LRMDA: variants seen among roughly 807,000 people sequenced by gnomAD.
LRMDA encodes the protein leucine-rich melanocyte differentiation-associated protein.
LRMDA carries 18 observed loss-of-function variants against 29.8 expected under a neutral mutation model. The observed-to-expected ratio is 0.60, with a 90% CI of 0.42 to 0.90. LRMDA has a LOEUF of 0.90. Ranked by LOEUF, LRMDA falls within the 40% of genes least tolerant of loss-of-function variation. The pLI, the probability that LRMDA is intolerant of heterozygous loss-of-function variation, is 0.00. For missense variants in LRMDA, 273 were observed against 273.9 expected, an observed-to-expected ratio of 1.00 and a Z score of 0.02; for synonymous variants, 125 against 109.4, an observed-to-expected ratio of 1.14 and a Z score of -0.89.
chr10:76,477,990 G>T (rs1399464229), intron 6 of LRMDA, among the ~76,000 whole-genome samples: 1 of 152,078 alleles, frequency 6.6e-6, no homozygotes, highest in African/African-American at 2.4e-5. Flanking sequence ...ACATAGGCAC[G>T]GGCAAGGACT....
intron 2 of LRMDA, among the ~76,000 whole-genome samples, chr10:75,619,032 C>T (rs564540488): frequency 7.9e-5 from 12 of 152,138 alleles, no homozygotes; most frequent in African/African-American, 2.7e-4. Context: ...CTCCTGACCT[C>T]GTGATCTGCC....
At chr10:75,468,590 C>T (rs1246291266) in intron 2 of LRMDA, among the ~76,000 whole-genome samples, 1 of 152,084 alleles carries the variant, frequency 6.6e-6, no homozygotes, top group Non-Finnish European at 1.5e-5. Flanking sequence ...AGGTTCTGCA[C>T]CTGAAGTGAT....
chr10:76,207,194 G>T (rs1851552883), intron 5 of LRMDA, among the ~76,000 whole-genome samples: 1 of 152,124 alleles, frequency 6.6e-6, no homozygotes, highest in Non-Finnish European at 1.5e-5. Flanking sequence ...GTACATAATT[G>T]ATCAAAACAC....
At chr10:76,171,553 C>T (rs1445576697) in intron 5 of LRMDA, among the ~76,000 whole-genome samples, 1 of 152,176 alleles carries the variant, frequency 6.6e-6, no homozygotes, top group African/African-American at 2.4e-5. Context: ...TGGCAAGCCC[C>T]TCCACTACCC....
At chr10:75,963,915 G>A (rs189125396) in intron 2 of LRMDA, among the ~76,000 whole-genome samples, 1 of 152,166 alleles carries the variant, frequency 6.6e-6, no homozygotes, top group Non-Finnish European at 1.5e-5. Flanking sequence ...GTGCTTAATG[G>A]TGGCAGGCTT....
intron 5 of LRMDA, among the ~76,000 whole-genome samples, chr10:76,264,432 A>C (rs1213549384): frequency 7.2e-6 from 1 of 138,270 alleles, no homozygotes; most frequent in Non-Finnish European, 1.6e-5. Flanking sequence ...AAAAAAAAAA[A>C]AAAAAAAAAA....
At chr10:76,543,316 CTGTGTGTGTGTG>C (rs71028203) in intron 6 of LRMDA, among the ~76,000 whole-genome samples, 67 of 144,224 alleles carry the variant, frequency 4.6e-4, no homozygotes, top group South Asian at 1.7e-3. Context: ...TGGGGTGTGC[CTGTGTGTGTGTG>C]TGTGTGTGTG....
At chr10:76,478,668 C>G (rs972843026) in intron 6 of LRMDA, among the ~76,000 whole-genome samples, 13 of 151,976 alleles carry the variant, frequency 8.6e-5, no homozygotes, top group African/African-American at 3.1e-4. Context: ...CAATGATAGA[C>G]TGGATTAAGA....
At chr10:76,146,263 G>A (rs1261679964) in intron 5 of LRMDA, among the ~76,000 whole-genome samples, 4 of 151,862 alleles carry the variant, frequency 2.6e-5, no homozygotes, top group African/African-American at 4.8e-5. Context: ...TTTCTGTCTC[G>A]TTGATCTGTC....
chr10:75,958,800 C>T (rs534666822), intron 2 of LRMDA, among the ~76,000 whole-genome samples: 7 of 152,268 alleles, frequency 4.6e-5, no homozygotes, highest in African/African-American at 1.7e-4. Flanking sequence ...GTTTAATGGA[C>T]TCACAGTTCC....
chr10:75,500,032 A>G (rs1030620401), intron 2 of LRMDA, among the ~76,000 whole-genome samples: 3 of 152,134 alleles, frequency 2.0e-5, no homozygotes, highest in Admixed American at 6.5e-5. Flanking sequence ...AGTGTTTTCT[A>G]CACTTTTTTT....
At chr10:76,369,957 G>A (rs1454620439) in intron 6 of LRMDA, among the ~76,000 whole-genome samples, 1 of 152,090 alleles carries the variant, frequency 6.6e-6, no homozygotes, top group African/African-American at 2.4e-5. Flanking sequence ...TGGAAATGTA[G>A]ACAAATAACA....
At chr10:76,111,000 A>G (rs1172246089) in intron 5 of LRMDA, among the ~76,000 whole-genome samples, 3 of 151,782 alleles carry the variant, frequency 2.0e-5, no homozygotes, top group Non-Finnish European at 4.4e-5. Context: ...CTGAAGTGTC[A>G]TTCTCCATCC....
At chr10:76,238,442 C>A (rs1852201714) in intron 5 of LRMDA, among the ~76,000 whole-genome samples, 1 of 152,154 alleles carries the variant, frequency 6.6e-6, no homozygotes, top group South Asian at 2.1e-4. Context: ...TCCCCAGACT[C>A]TGTTGCCCTT....
intron 6 of LRMDA, among the ~76,000 whole-genome samples, chr10:76,374,953 T>G (rs1220292178): frequency 1.3e-5 from 2 of 152,192 alleles, no homozygotes; most frequent in Non-Finnish European, 2.9e-5. Flanking sequence ...AAACAAAAGA[T>G]TACTGATAAC....
chr10:75,902,971 CA>C (rs1845700366), intron 2 of LRMDA, among the ~76,000 whole-genome samples: 1 of 152,136 alleles, frequency 6.6e-6, no homozygotes, highest in Admixed American at 6.5e-5. Flanking sequence ...GAGAGTCTGG[CA>C]GGGGGCATCA....
chr10:75,742,395 C>A (rs1215181925), intron 2 of LRMDA, among the ~76,000 whole-genome samples: 2 of 152,260 alleles, frequency 1.3e-5, no homozygotes, highest in East Asian at 1.9e-4. Flanking sequence ...AGGGGCAAGG[C>A]CACCCAGGTG....
chr10:76,386,279 G>T (rs116122565), intron 6 of LRMDA, among the ~76,000 whole-genome samples: 42 of 152,284 alleles, frequency 2.8e-4, no homozygotes, highest in Admixed American at 2.4e-3. Flanking sequence ...TTTATTAAAT[G>T]CATAAATGAA....
intron 5 of LRMDA, among the ~76,000 whole-genome samples, chr10:76,289,387 C>T (rs770892936): frequency 6.6e-6 from 1 of 152,114 alleles, no homozygotes; most frequent in Non-Finnish European, 1.5e-5. Flanking sequence ...GTGAGGTCGC[C>T]TTCTTTTATG....
Sources: gnomAD v4.1 joint callset for allele counts (sites outside exome capture counted in the v4.1 genomes callset) on GRCh38, gnomAD v4.1.1 for gene constraint, MANE v1.5 for transcripts, NCBI Gene and HGNC (gene_info 2026-07-23, HGNC 2026-07-21) for gene names.